The following ADGRL2 variants were observed in gnomAD, a reference collection of about 807,000 sequenced individuals.
ADGRL2 encodes the protein calcium-independent alpha-latrotoxin receptor 2.
A neutral mutation model predicts 157.4 loss-of-function variants in ADGRL2; 44 were observed. The ratio of observed to expected loss-of-function variants is 0.28; its 90% CI spans 0.22 to 0.36. ADGRL2 has a LOEUF of 0.36. ADGRL2 is among the 10% of genes least tolerant of loss of function. ADGRL2 has a pLI of 1.00. For synonymous variants in ADGRL2, 585 were observed against 624.7 expected (o/e 0.94, Z 0.95); for missense variants, 1,510 against 1,768.9 (o/e 0.85, Z 2.63).
chr1:81,480,526 CCTTT>C (rs139558341), intron 2 of ADGRL2, among the ~76,000 whole-genome samples: 5,407 of 152,086 alleles, frequency 0.036, 313 homozygotes, highest in African/African-American at 0.12. Context: ...ATAAGCCCAC[CCTTT>C]CTTTCTCTGT....
chr1:81,976,261 G>A (rs999127501), intron 17 of ADGRL2, among the ~76,000 whole-genome samples: 2 of 151,776 alleles, frequency 1.3e-5, no homozygotes, highest in Non-Finnish European at 1.5e-5. Context: ...GCCATCTTAC[G>A]ATTTATGTCA....
intron 1 of ADGRL2, among the ~76,000 whole-genome samples, chr1:81,728,818 T>C (rs191325063): frequency 2.0e-5 from 3 of 152,280 alleles, no homozygotes; most frequent in African/African-American, 7.2e-5. Flanking sequence ...TTTAGATCCC[T>C]TTCCTATTCA....
At chr1:81,431,000 A>G (rs993035514) in intron 1 of ADGRL2, among the ~76,000 whole-genome samples, 8 of 152,254 alleles carry the variant, frequency 5.3e-5, no homozygotes, top group African/African-American at 1.9e-4. Context: ...TAACATAAAA[A>G]AGGAGTAGTA....
intron 3 of ADGRL2, among the ~76,000 whole-genome samples, chr1:81,585,407 C>G (rs906440645): frequency 6.6e-6 from 1 of 152,020 alleles, no homozygotes; most frequent in Non-Finnish European, 1.5e-5. Context: ...TGCATTGATT[C>G]ACTTCTGTGG....
chr1:81,512,376 T>G (rs551186798), intron 2 of ADGRL2, among the ~76,000 whole-genome samples: 81 of 152,294 alleles, frequency 5.3e-4, no homozygotes, highest in Non-Finnish European at 1.0e-3. Flanking sequence ...GACAATATAA[T>G]TGTGGTATGG....
Position 81,319,066 on chromosome 1 carries a change from C to T in ADGRL2, c.-302+12557C>T, listed in dbSNP as rs191276528. Among the ~76,000 whole-genome samples the T allele has an allele frequency of 5.0e-3, 751 of 150,132 alleles. 4 individuals carry two copies. The highest frequency in any genetic ancestry group is 0.012 in the African/African-American group (483 of 40,922). On this transcript the variant is annotated intron_variant, in intron 1 of 24. Coordinates refer to the ADGRL2 transcript ENST00000370721. ...AAGCGATTCTCCTGCCTCAGCCTCC[C>T]GAGTAGCTGGGATTACAGGCATGCA...
At chr1:81,642,114 G>T (rs1057500260) in intron 3 of ADGRL2, among the ~76,000 whole-genome samples, 2 of 151,630 alleles carry the variant, frequency 1.3e-5, no homozygotes, top group Admixed American at 1.3e-4. Context: ...CAGGTGTGGT[G>T]GTGGGCACCG....
intron 1 of ADGRL2, among the ~76,000 whole-genome samples, chr1:81,411,038 C>A (rs11163281): frequency 0.38 from 58,043 of 152,082 alleles, 11,204 homozygotes; most frequent in East Asian, 0.49. Flanking sequence ...TACTTAGTTC[C>A]TTCTCCAGAT....
intron 11 of ADGRL2, among the ~76,000 whole-genome samples, chr1:81,964,491 T>C (rs1039270432): frequency 2.0e-5 from 3 of 152,144 alleles, no homozygotes; most frequent in African/African-American, 7.2e-5. Context: ...CTGCAGCTGA[T>C]AGAATTTTAG....
chr1:81,730,671 C>A (rs1173916168), intron 1 of ADGRL2, among the ~76,000 whole-genome samples: 1 of 151,544 alleles, frequency 6.6e-6, no homozygotes, highest in South Asian at 2.1e-4. Context: ...TGCAGTGAAC[C>A]GAGATTGTGC....
chr1:81,875,638 G>A (rs568319568), intron 2 of ADGRL2, among the ~76,000 whole-genome samples: 24 of 152,218 alleles, frequency 1.6e-4, no homozygotes, highest in Non-Finnish European at 2.8e-4. Context: ...TACTAGTTAA[G>A]TGTAGCACTC....
chr1:81,659,727 C>T (rs2082614519), intron 3 of ADGRL2, among the ~76,000 whole-genome samples: 1 of 152,118 alleles, frequency 6.6e-6, no homozygotes, highest in African/African-American at 2.4e-5. Context: ...CCATCTTTAT[C>T]ACATTTTATT....
chr1:81,892,849 T>C (rs1044289298), intron 2 of ADGRL2, among the ~76,000 whole-genome samples: 1 of 152,188 alleles, frequency 6.6e-6, no homozygotes, highest in Non-Finnish European at 1.5e-5. Flanking sequence ...ATGGGAACAC[T>C]AGTAGTCCAA....
At chr1:81,780,686 A>G (rs2086776149) in intron 2 of ADGRL2, among the ~76,000 whole-genome samples, 1 of 152,216 alleles carries the variant, frequency 6.6e-6, no homozygotes, top group African/African-American at 2.4e-5. Flanking sequence ...GTGAGATAAT[A>G]CGTATATAAT....
At chr1:81,836,448 A>AC (rs1355942968) in intron 1 of ADGRL2, among the ~76,000 whole-genome samples, 2 of 152,064 alleles carry the variant, frequency 1.3e-5, no homozygotes, top group African/African-American at 4.8e-5. Flanking sequence ...AAACACTTGG[A>AC]CAGAACCCAG....
At chr1:81,652,821 G>A (rs1036529656) in intron 3 of ADGRL2, among the ~76,000 whole-genome samples, 16 of 152,208 alleles carry the variant, frequency 1.1e-4, no homozygotes, top group Admixed American at 3.3e-4. Flanking sequence ...CCAGAGTGAG[G>A]GGGTGATTTA....
At chr1:81,385,600 A>G (rs1055478514) in intron 1 of ADGRL2, among the ~76,000 whole-genome samples, 3 of 151,066 alleles carry the variant, frequency 2.0e-5, no homozygotes, top group Admixed American at 2.0e-4. Context: ...AGAGTGGCAA[A>G]AAAAAAAAAT....
At chr1:81,914,150 C>A (rs1572092790) in intron 3 of ADGRL2, among the ~76,000 whole-genome samples, 1 of 152,090 alleles carries the variant, frequency 6.6e-6, no homozygotes, top group African/African-American at 2.4e-5. Context: ...CTTGTGTATA[C>A]TCTCGTTGAC....
chr1:81,683,045 A>G (rs567131749), intron 3 of ADGRL2, among the ~76,000 whole-genome samples: 2 of 152,348 alleles, frequency 1.3e-5, no homozygotes, highest in Admixed American at 1.3e-4. Context: ...AGGTAGGAGA[A>G]TCGTCTGAAC....
Sources: allele counts gnomAD v4.1 joint callset (sites outside exome capture counted in the v4.1 genomes callset), GRCh38; gene constraint gnomAD v4.1.1; transcripts MANE v1.5; gene names NCBI Gene and HGNC (gene_info 2026-07-23, HGNC 2026-07-21).